CPNE3: variants seen among roughly 807,000 people sequenced by gnomAD.
The protein encoded by CPNE3 is copine 3.
A neutral mutation model predicts 63.9 loss-of-function variants in CPNE3; 68 were observed. That is an observed-to-expected ratio of 1.06 (90% CI 0.87 to 1.30). CPNE3 has a LOEUF of 1.30. Among genes scored for constraint, CPNE3 ranks in the 50% most tolerant of loss-of-function variants. The probability of loss-of-function intolerance (pLI) is 0.00; values close to 1 mark genes in which losing one functional copy is unlikely to be tolerated. For missense variants in CPNE3, 665 were observed against 578.1 expected (o/e 1.15, Z -1.54); for synonymous variants, 219 against 197.5 (o/e 1.11, Z -0.91).
At chr8:86,528,137 A>G (rs534843172) in intron 2 of CPNE3, among the ~76,000 whole-genome samples, 5 of 151,392 alleles carry the variant, frequency 3.3e-5, no homozygotes, top group Non-Finnish European at 7.4e-5. Context: ...TTTAGTAGAG[A>G]CGAGGTCTTG....
At chr8:86,557,033 C>T (rs1305461363) in intron 16 of CPNE3, among the ~76,000 whole-genome samples, 3 of 152,178 alleles carry the variant, frequency 2.0e-5, no homozygotes, top group African/African-American at 7.2e-5. Flanking sequence ...GGATGCACCA[C>T]CATTTGTGTA....
At chr8:86,539,029 C>T (rs1455929365) in intron 7 of CPNE3, among the ~76,000 whole-genome samples, 1 of 152,162 alleles carries the variant, frequency 6.6e-6, no homozygotes, top group Non-Finnish European at 1.5e-5. Flanking sequence ...AGTGATTTTT[C>T]AAAATCTTTC....
intron 11 of CPNE3, 115 bp downstream of exon 11, chr8:86,547,885 C>T (rs1821089747): frequency 1.6e-6 from 1 of 637,808 alleles, no homozygotes; most frequent in Non-Finnish European, 2.7e-6. Flanking sequence ...TTAGCATAGT[C>T]CTCTTAGAGT....
intron 14 of CPNE3, chr8:86,553,936 C>T (rs1233030455): frequency 6.6e-6 from 1 of 152,124 alleles, no homozygotes; most frequent in African/African-American, 2.4e-5. Context: ...AGTCAGCTTT[C>T]ACTGGGTTGT....
intron 2 of CPNE3, among the ~76,000 whole-genome samples, chr8:86,521,436 G>C (rs1455465139): frequency 6.6e-6 from 1 of 152,096 alleles, no homozygotes; most frequent in Non-Finnish European, 1.5e-5. Flanking sequence ...ATTAATTTGT[G>C]TCAGGCTGAA....
intron 8 of CPNE3, among the ~76,000 whole-genome samples, chr8:86,542,797 A>G (rs1447627018): frequency 2.0e-5 from 3 of 152,000 alleles, no homozygotes; most frequent in Admixed American, 1.3e-4. Context: ...AGGGGACAAG[A>G]GGGAGCTTTT....
intron 3 of CPNE3, 62 bp downstream of exon 3, chr8:86,528,739 T>G: frequency 1.3e-6 from 2 of 1,523,716 alleles, no homozygotes; most frequent in Non-Finnish European, 1.8e-6. Flanking sequence ...TGTGAAGAGT[T>G]TTTTTAATGT....
chr8:86,557,388 G>A (rs994224294), intron 16 of CPNE3, among the ~76,000 whole-genome samples: 1 of 152,000 alleles, frequency 6.6e-6, no homozygotes, highest in Non-Finnish European at 1.5e-5. Flanking sequence ...CACTCGCCTC[G>A]GCCTCCCTAA....
intron 2 of CPNE3, chr8:86,524,743 C>G (rs747747990): frequency 1.7e-4 from 24 of 140,398 alleles, no homozygotes; most frequent in Middle Eastern, 8.3e-3. Flanking sequence ...CAGTGCATAG[C>G]TTACTGTGGC....
In CPNE3 at chr8:86,529,171, A is replaced by G. The variant is rs751820771; in HGVS notation, c.312+47A>G. 8 of 1,509,702 alleles carry G rather than the reference A, an allele frequency of 5.3e-6. No homozygotes were observed. In the Middle Eastern group the frequency reaches 8.4e-4, roughly 158 times the overall value. The allele number at this position is 1,509,702 out of a possible 1,614,324, so 93.5% of individuals were successfully genotyped here. On this transcript the variant is annotated intron_variant, in intron 4 of 16. Transcript: ENST00000517490. ...ACTCTATTTTGTCTAAATTTTAATC[A>G]ATGAATTTGGTGGTGTTTTTGGTAA...
At position 86,548,570 on chromosome 8, in the gene CPNE3, T is replaced by A; in HGVS notation, c.1013+136T>A. On this transcript the variant is annotated intron_variant, in intron 12 of 16. Transcript: ENST00000517490. Reference sequence around the variant, plus strand: ...CTCCCTAAAATCCCCCCGTCTTATCTTCTATTTTTCTCCTTGTGGCAATCT... The same window carrying A: ...CTCCCTAAAATCCCCCCGTCTTATCATCTATTTTTCTCCTTGTGGCAATCT... 3.7e-6 allele frequency: 4 copies of A among 1,069,200 alleles called. No individual in the cohort carries two copies. In the South Asian group the frequency reaches 6.5e-5, roughly 17 times the overall value. The allele number at this position is 1,069,200 out of a possible 1,614,324, so 66.2% of individuals were successfully genotyped here.
intron 13 of CPNE3, 29 bp downstream of exon 13, chr8:86,551,129 T>C: frequency 6.2e-7 from 1 of 1,613,204 alleles, no homozygotes; most frequent in South Asian, 1.1e-5. Context: ...TTTAAAGCTT[T>C]GCCTCCTAGA....
intron 14 of CPNE3, 84 bp downstream of exon 14, chr8:86,551,318 T>G: frequency 1.0e-6 from 1 of 1,001,042 alleles, no homozygotes. Context: ...TTGTTTTTTT[T>G]CTTGTGATTA....
intron 1 of CPNE3, 196 bp from the exon 2 acceptor site, chr8:86,515,266 C>T (rs1028259205): frequency 3.3e-5 from 5 of 152,214 alleles, no homozygotes; most frequent in African/African-American, 1.2e-4. Flanking sequence ...ATCATCTGCA[C>T]TTTTTGCATA....
Position 86,546,517 on chromosome 8 carries a change from A to G in CPNE3, c.733-78A>G. On this transcript the variant is annotated intron_variant, in intron 9 of 16. Coordinates refer to ENST00000517490, the MANE Select transcript of CPNE3 (RefSeq NM_003909.5). ...AGGTAGTTTGATTCTAAAGGAAAAA[A>G]AGTCATTCATTTAAAGTCACATTGG... 3.4e-6 allele frequency: 5 copies of G among 1,459,934 alleles called. No homozygotes were observed. The South Asian group carries it at 6.0e-5, about 18-fold the overall frequency. 90.4% of individuals were successfully genotyped at this position (1,459,934 alleles called of 1,614,324 possible). A position where few individuals can be genotyped will look rare whatever the true frequency, so the allele number is the denominator to read the frequency against.
At chr8:86,544,209 C>T (rs1007994977) in intron 8 of CPNE3, among the ~76,000 whole-genome samples, 1 of 152,108 alleles carries the variant, frequency 6.6e-6, no homozygotes, top group Non-Finnish European at 1.5e-5. Flanking sequence ...GCAAATCTGG[C>T]TTCATCATAT....
At chr8:86,536,275 C>A (rs752724781) in intron 6 of CPNE3, among the ~76,000 whole-genome samples, 1 of 144,496 alleles carries the variant, frequency 6.9e-6, no homozygotes, top group Non-Finnish European at 1.5e-5. Flanking sequence ...TGTTCCCCAC[C>A]CCCAGCCCTT....
intron 7 of CPNE3, 50 bp downstream of exon 7, chr8:86,537,696 T>A (rs778699229): frequency 2.8e-6 from 3 of 1,056,764 alleles, no homozygotes; most frequent in Middle Eastern, 4.0e-4. Context: ...TTGAAATTAT[T>A]GTAATCTGAA....
intron 9 of CPNE3, among the ~76,000 whole-genome samples, chr8:86,545,839 T>C (rs1821036867): frequency 6.6e-6 from 1 of 152,192 alleles, no homozygotes; most frequent in Admixed American, 6.5e-5. Context: ...ATAATGTCAC[T>C]GTGAAGAAAA....
Sources: gnomAD v4.1 joint callset for allele counts (sites outside exome capture counted in the v4.1 genomes callset) on GRCh38, gnomAD v4.1.1 for gene constraint, MANE v1.5 for transcripts, NCBI Gene and HGNC (gene_info 2026-07-23, HGNC 2026-07-21) for gene names.